PCDH15: variants seen among roughly 807,000 people sequenced by gnomAD.
The protein encoded by PCDH15 is protocadherin related 15.
Under a neutral mutation model 178.5 loss-of-function variants are expected in PCDH15, and 129 were observed. That is an observed-to-expected ratio of 0.72 (90% confidence interval 0.63 to 0.84). The LOEUF (loss-of-function observed/expected upper bound fraction) is 0.84. Among genes scored for constraint, PCDH15 ranks in the 40% least tolerant of loss-of-function variants. PCDH15 has a pLI of 0.00. For missense variants in PCDH15, 2,230 were observed against 2,099.9 expected (o/e 1.06, Z -1.21); for synonymous variants, 800 against 732.0 (o/e 1.09, Z -1.50).
At chr10:55,590,988 C>T (rs1002259386) in intron 2 of PCDH15, among the ~76,000 whole-genome samples, 1 of 152,034 alleles carries the variant, frequency 6.6e-6, no homozygotes, top group African/African-American at 2.4e-5. Context: ...TTAATATAAT[C>T]TAACCCAATT....
chr10:54,110,180 G>C (rs2094991208), intron 15 of PCDH15, among the ~76,000 whole-genome samples: 1 of 152,066 alleles, frequency 6.6e-6, no homozygotes, highest in African/African-American at 2.4e-5. Context: ...CAAAGCATGA[G>C]TGGAGTGAGG....
intron 23 of PCDH15, among the ~76,000 whole-genome samples, chr10:53,953,065 G>C (rs1225912304): frequency 6.6e-6 from 1 of 152,250 alleles, no homozygotes; most frequent in Non-Finnish European, 1.5e-5. Flanking sequence ...CTCAGAAGTG[G>C]GTGGGGCCCC....
At chr10:55,495,918 C>G (rs971339265) in intron 2 of PCDH15, among the ~76,000 whole-genome samples, 1 of 151,758 alleles carries the variant, frequency 6.6e-6, no homozygotes. Flanking sequence ...TGAATAATTA[C>G]AAATGACTAT....
At chr10:53,867,010 T>C (rs1394407914) in intron 26 of PCDH15, among the ~76,000 whole-genome samples, 153 bp from the exon 27 acceptor site, 2 of 152,158 alleles carry the variant, frequency 1.3e-5, no homozygotes, top group African/African-American at 4.8e-5. Flanking sequence ...GATATAGTTA[T>C]GTAGATTAAT....
chr10:53,820,458 C>CAACTTATATTCATATACTTCCAATAGT, intron 32 of PCDH15, among the ~76,000 whole-genome samples: 1 of 152,114 alleles, frequency 6.6e-6, no homozygotes, highest in East Asian at 1.9e-4. Context: ...AGGGGGCTCT[C>CAACTTATATTCATATACTTCCAATAGT]AACTTATATT....
At chr10:54,760,424 C>A (rs1947720502) in intron 1 of PCDH15, among the ~76,000 whole-genome samples, 1 of 152,130 alleles carries the variant, frequency 6.6e-6, no homozygotes, top group South Asian at 2.1e-4. Context: ...TCCTCCCACA[C>A]ACACCACCCT....
intron 18 of PCDH15, among the ~76,000 whole-genome samples, chr10:54,036,368 T>C (rs1332256482): frequency 1.3e-5 from 2 of 151,972 alleles, no homozygotes; most frequent in Non-Finnish European, 2.9e-5. Context: ...TCTTGTTAGG[T>C]GCTAAGAGCT....
At chr10:55,133,955 G>T (rs1455384314) in intron 2 of PCDH15, among the ~76,000 whole-genome samples, 2 of 151,974 alleles carry the variant, frequency 1.3e-5, no homozygotes, top group African/African-American at 4.8e-5. Flanking sequence ...CCCTATTTCT[G>T]CTCTGATCTC....
chr10:54,728,683 C>T (rs1186084664), intron 1 of PCDH15, among the ~76,000 whole-genome samples: 1 of 151,384 alleles, frequency 6.6e-6, no homozygotes, highest in Non-Finnish European at 1.5e-5. Flanking sequence ...TAGAAAACCC[C>T]ATAGTCCCTG....
chr10:53,943,067 C>A (rs2086209098), intron 23 of PCDH15, among the ~76,000 whole-genome samples: 1 of 152,118 alleles, frequency 6.6e-6, no homozygotes, highest in Non-Finnish European at 1.5e-5. Flanking sequence ...GTTTACTTGT[C>A]TATCTTGTTA....
chr10:55,602,225 T>G (rs944908221), intron 2 of PCDH15, among the ~76,000 whole-genome samples: 13 of 152,286 alleles, frequency 8.5e-5, no homozygotes, highest in African/African-American at 3.1e-4. Flanking sequence ...CGCACCTGGC[T>G]CGGAGGGTCC....
rs2080627446 is a variant in PCDH15, at chr10:53,880,511, T to C, written c.3502-13654A>G. Among the ~76,000 whole-genome samples, 9 of 152,312 alleles carry C rather than the reference T, an allele frequency of 5.9e-5. No individual in the cohort carries two copies. The South Asian group carries it at 1.9e-3, about 32-fold the overall frequency. On this transcript the variant is annotated intron_variant, in intron 26 of 37. Transcript: ENST00000644397. Reference sequence around the variant, plus strand: ...AATAGCAGGGCAATTGAAAATTAAATCTGAATGTCGAATCCTCTGTAAATT... The same window carrying C: ...AATAGCAGGGCAATTGAAAATTAAACCTGAATGTCGAATCCTCTGTAAATT...
At chr10:54,710,443 T>G (rs1212203519) in intron 1 of PCDH15, among the ~76,000 whole-genome samples, 3 of 152,070 alleles carry the variant, frequency 2.0e-5, no homozygotes, top group Non-Finnish European at 4.4e-5. Flanking sequence ...AGCATTTCTC[T>G]CTCAAGACTA....
At chr10:53,972,731 C>T (rs1443690117) in intron 21 of PCDH15, among the ~76,000 whole-genome samples, 2 of 152,082 alleles carry the variant, frequency 1.3e-5, no homozygotes, top group Non-Finnish European at 2.9e-5. Context: ...CAAATCAAAA[C>T]CACAATGAGA....
intron 2 of PCDH15, among the ~76,000 whole-genome samples, chr10:55,607,501 A>T (rs1357774821): frequency 3.0e-5 from 4 of 131,932 alleles, no homozygotes; most frequent in African/African-American, 6.0e-5. Flanking sequence ...ACCAACCCAA[A>T]TGTCCAACAA....
intron 3 of PCDH15, among the ~76,000 whole-genome samples, chr10:54,873,059 G>T (rs577773024): frequency 6.6e-6 from 1 of 152,060 alleles, no homozygotes; most frequent in South Asian, 2.1e-4. Flanking sequence ...AATTCCATAA[G>T]TTACACCAAT....
chr10:55,081,688 G>A (rs141908206), intron 2 of PCDH15, among the ~76,000 whole-genome samples: 1 of 152,274 alleles, frequency 6.6e-6, no homozygotes, highest in East Asian at 1.9e-4. Flanking sequence ...CTTTAAAGAA[G>A]AGGTTCTTCC....
At chr10:55,563,749 C>T (rs541575666) in intron 2 of PCDH15, among the ~76,000 whole-genome samples, 43 of 149,516 alleles carry the variant, frequency 2.9e-4, no homozygotes, top group African/African-American at 5.4e-4. Flanking sequence ...GTCAAGGAAA[C>T]GATGAACAAA....
chr10:54,936,604 A>G (rs1670820), intron 2 of PCDH15, among the ~76,000 whole-genome samples: 20,361 of 151,878 alleles, frequency 0.13, 1,562 homozygotes, highest in East Asian at 0.23. Context: ...TATTACTGTG[A>G]ATTTAATTTT....
Sources: allele counts gnomAD v4.1 joint callset (sites outside exome capture counted in the v4.1 genomes callset), GRCh38; gene constraint gnomAD v4.1.1; transcripts MANE v1.5; gene names NCBI Gene and HGNC (gene_info 2026-07-23, HGNC 2026-07-21).